Variants in PDHB observed in about 807,000 individuals in gnomAD.
The protein encoded by PDHB is pyruvate dehydrogenase E1 subunit beta, also known as pyruvate dehydrogenase E1 component subunit beta, mitochondrial.
Under a neutral mutation model 42.8 loss-of-function variants are expected in PDHB, and 17 were observed. That is an observed-to-expected ratio of 0.40 (90% CI 0.27 to 0.60). The LOEUF is 0.60. Ranked by LOEUF, PDHB falls within the 20% of genes least tolerant of loss-of-function variation. The pLI, the probability that PDHB is intolerant of heterozygous loss-of-function variation, is 0.46. For missense variants in PDHB, 322 were observed against 451.3 expected (o/e 0.71, Z 2.60); for synonymous variants, 154 against 148.7 (o/e 1.04, Z -0.26).
intron 7 of PDHB, 66 bp downstream of exon 7, chr3:58,430,062 G>T: frequency 1.0e-6 from 1 of 972,472 alleles, no homozygotes; most frequent in Non-Finnish European, 1.7e-6. Context: ...GTAACTTCTA[G>T]ATTAAATTTT....
At chr3:58,430,102 C>T in intron 7 of PDHB, 26 bp downstream of exon 7, 1 of 1,301,464 alleles carries the variant, frequency 7.7e-7, no homozygotes, top group Non-Finnish European at 1.1e-6. Flanking sequence ...ATTAAAAATA[C>T]TGTTTATATA....
At chr3:58,432,183 G>C in intron 2 of PDHB, 199 bp from the exon 3 acceptor site, 2 of 603,732 alleles carry the variant, frequency 3.3e-6, no homozygotes, top group Non-Finnish European at 6.0e-6. Context: ...AATGTACTGA[G>C]TGCTCACTAG....
intron 2 of PDHB, chr3:58,432,308 A>G: frequency 2.6e-6 from 1 of 380,024 alleles, no homozygotes; most frequent in Non-Finnish European, 5.0e-6. Context: ...CATACAATCC[A>G]TCAATTCCAC....
rs1191901814 is a variant in PDHB at position 58,430,086 on chromosome 3, G to A, written c.700+42C>T. The A allele has an allele frequency of 4.2e-6, 5 of 1,190,536 alleles. No homozygotes were observed. The African/African-American group carries it at 6.0e-5, about 14-fold the overall frequency. 73.7% of individuals were successfully genotyped at this position (1,190,536 alleles called of 1,614,324 possible). ...AGATTAAATTTTACCAAAATTGAGG[G>A]GCTGGATTAAAAATACTGTTTATAT... On this transcript the variant is annotated intron_variant, in intron 7 of 9. Coordinates refer to ENST00000302746, the MANE Select transcript of PDHB (RefSeq NM_000925.4).
Position 58,430,138 on chromosome 3 carries a change from T to C in PDHB, c.690A>G (p.Ile230Met). 1 of 1,596,588 alleles carries C rather than the reference T, an allele frequency of 6.3e-7. No individual in the cohort carries two copies. Among genetic ancestry groups the C allele is most frequent in the Non-Finnish European group, 8.6e-7 (1 of 1,164,270 alleles). ...DFLIPIGKAK[I>M]ERQGTHITVV... ...TCTTAGTTTTCTTACCTTGCCTTTC[T>C]ATTTTGGCTTTTCCAATAGGAATCA... Residue 230 changes from isoleucine to methionine, a missense_variant, in exon 7 of 10, where the codon ATA becomes ATG. Physicochemically the swap from Ile to Met is conservative, Grantham distance 10 (BLOSUM62 1). Transcript: ENST00000302746.
Position 58,430,174 on chromosome 3 carries a change from T to A in PDHB, c.654A>T (p.Ser218=), listed in dbSNP as rs759802905. The A allele has an allele frequency of 1.2e-6, 2 of 1,613,228 alleles. No homozygotes were observed. The highest frequency in any genetic ancestry group is 1.7e-6 in the Non-Finnish European group (2 of 1,179,410). ...TTCCAATAGGAATCAGAAAATCTTT[T>A]GACTGAGCTTCCGGAGGAAATTCAA... The part of the protein sequence containing the change: ...VPFEFPPEAQ[S]KDFLIPIGKA... The change falls in exon 7 of 10, where the codon TCA becomes TCT. Residue 218 remains serine, a synonymous_variant. Transcript: ENST00000302746.
intron 7 of PDHB, 80 bp from the exon 8 acceptor site, chr3:58,429,879 T>A: frequency 1.1e-6 from 1 of 871,606 alleles, no homozygotes; most frequent in South Asian, 1.3e-5. Flanking sequence ...CTGTGGCTCT[T>A]GTTCATTCAT....
intron 2 of PDHB, chr3:58,433,317 T>C (rs2062940154): frequency 3.7e-6 from 2 of 547,346 alleles, no homozygotes; most frequent in Admixed American, 3.1e-5. Context: ...TGCCACTGAA[T>C]TATACACTTC....
At chr3:58,428,690 T>C (rs1576955541) in intron 8 of PDHB, 76 bp from the exon 9 acceptor site, 40 of 1,095,748 alleles carry the variant, frequency 3.7e-5, no homozygotes, top group Non-Finnish European at 5.2e-5. Flanking sequence ...TACCATTTCC[T>C]TTTTTGTTTC....
intron 2 of PDHB, chr3:58,432,868 A>C (rs1389370276): frequency 6.6e-6 from 1 of 151,942 alleles, no homozygotes. Flanking sequence ...GTGTGGTGGC[A>C]CCGGCATCTA....
chr3:58,433,586 G>A (rs1359598717), intron 2 of PDHB, 45 bp downstream of exon 2: 7 of 1,577,022 alleles, frequency 4.4e-6, no homozygotes, highest in African/African-American at 2.7e-5. Context: ...CGAGAGAAGG[G>A]GGGACCCTCC....
chr3:58,430,390 G>A, intron 6 of PDHB, 152 bp from the exon 7 acceptor site: 1 of 670,446 alleles, frequency 1.5e-6, no homozygotes. Context: ...AGCAGTTTAG[G>A]TACTTAAATT....
chr3:58,429,589 A>G (rs771150701), intron 8 of PDHB, 119 bp downstream of exon 8: 5 of 768,578 alleles, frequency 6.5e-6, no homozygotes, highest in Admixed American at 1.8e-5. Flanking sequence ...TTAAGCAGAG[A>G]CAGAAATGAG....
At position 58,431,872 on chromosome 3, in the gene PDHB, G is replaced by A; in HGVS notation, c.204+5C>T. On this transcript the variant is annotated splice_donor_5th_base_variant and intron_variant, in intron 3 of 9. Transcript: ENST00000302746. The surrounding 1 kb of genome is among the most constrained non-coding windows in gnomAD (Gnocchi z 4.4). ...TTTTGTATAACTTTCATATATTTTA[G>A]TTACCTTGTATGCCCCATCATACTG... The A allele has an allele frequency of 1.9e-6, 3 of 1,610,230 alleles. No homozygotes were observed. The highest frequency in any genetic ancestry group is 2.5e-6 in the Non-Finnish European group (3 of 1,176,484).
chr3:58,429,394 T>C (rs1323962831), intron 8 of PDHB, among the ~76,000 whole-genome samples: 1 of 151,386 alleles, frequency 6.6e-6, no homozygotes, highest in Non-Finnish European at 1.5e-5. Context: ...TGAGCCATGA[T>C]CCAGCCACTG....
intron 9 of PDHB, 29 bp from the exon 10 acceptor site, chr3:58,428,208 G>C: frequency 6.2e-7 from 1 of 1,611,166 alleles, no homozygotes; most frequent in Non-Finnish European, 8.5e-7. Flanking sequence ...AACTGAGAGA[G>C]TGCAAATGCC....
chr3:58,430,182 C>T lies in PDHB; in HGVS notation c.646G>A (p.Ala216Thr), dbSNP rs775425923. Reference sequence around the variant, plus strand: ...GGAATCAGAAAATCTTTTGACTGAGCTTCCGGAGGAAATTCAAAAGGAACC... The same window carrying T: ...GGAATCAGAAAATCTTTTGACTGAGTTTCCGGAGGAAATTCAAAAGGAACC... ...YGVPFEFPPE[A>T]QSKDFLIPIG... is the part of the protein sequence containing the mutation. The change falls in exon 7 of 10, where the codon GCT becomes ACT. Residue 216 changes from alanine (A) to threonine (T), a missense_variant. Coordinates refer to ENST00000302746, the MANE Select transcript of PDHB (RefSeq NM_000925.4). 2 of 1,613,190 alleles carry T rather than the reference C, an allele frequency of 1.2e-6. No individual in the cohort carries two copies. Among genetic ancestry groups the T allele is most frequent in the South Asian group, 1.1e-5 (1 of 90,898 alleles).
intron 2 of PDHB, 117 bp from the exon 3 acceptor site, chr3:58,432,101 GC>G: frequency 1.4e-6 from 1 of 735,854 alleles, no homozygotes; most frequent in South Asian, 1.5e-5. Flanking sequence ...ACTAGAACAA[GC>G]TTCTCTCTAA....
At chr3:58,433,469 AGG>A in intron 2 of PDHB, 160 bp downstream of exon 2, 1 of 741,554 alleles carries the variant, frequency 1.3e-6, no homozygotes, top group Middle Eastern at 3.7e-4. Context: ...GCTAATTGCC[AGG>A]CGGCGACAGA....
Sources: gnomAD v4.1 joint callset for allele counts (sites outside exome capture counted in the v4.1 genomes callset) on GRCh38, gnomAD v4.1.1 for gene constraint, Gnocchi (gnomAD v3.1) non-coding constraint, MANE v1.5 for transcripts, NCBI Gene and HGNC (gene_info 2026-07-23, HGNC 2026-07-21) for gene names.